The following RASSF3 variants were observed in gnomAD, a reference collection of about 807,000 sequenced individuals.
RASSF3 encodes ras association domain-containing protein 3.
In RASSF3, 19 loss-of-function variants were observed where a neutral mutation model predicts 19.9. The observed-to-expected ratio is 0.96, with a 90% CI of 0.67 to 1.40. The LOEUF (loss-of-function observed/expected upper bound fraction) is 1.40, where lower values mean the gene tolerates loss of function less well. Ranked by LOEUF, RASSF3 falls within the 40% of genes most tolerant of loss-of-function variation. The pLI is 0.00. For synonymous variants in RASSF3, 110 were observed against 104.2 expected (o/e 1.06, Z -0.34); for missense variants, 306 against 289.8 (o/e 1.06, Z -0.41).
At chr12:64,628,369 A>G (rs1036081752) in intron 1 of RASSF3, 56 of 152,348 alleles carry the variant, frequency 3.7e-4, no homozygotes, top group African/African-American at 1.3e-3. Flanking sequence ...TATGAGAATC[A>G]TCTTCTTACT....
chr12:64,519,400 G>T, intron 1 of RASSF3, among the ~76,000 whole-genome samples: 1 of 151,972 alleles, frequency 6.6e-6, no homozygotes, highest in East Asian at 1.9e-4. Context: ...GAGCAAGGCC[G>T]TCTCAAATAC....
At chr12:64,684,427 G>GT (rs1188238001) in intron 1 of RASSF3, among the ~76,000 whole-genome samples, 64 of 59,078 alleles carry the variant, frequency 1.1e-3, no homozygotes, top group African/African-American at 3.9e-3. Flanking sequence ...CTGTTTGTTT[G>GT]TTTGTTTGTT....
At chr12:64,514,078 G>A (rs1425309271) in intron 1 of RASSF3, among the ~76,000 whole-genome samples, 9 of 150,408 alleles carry the variant, frequency 6.0e-5, no homozygotes, top group South Asian at 4.2e-4. Flanking sequence ...TAGTAGAGAC[G>A]GGGTTTCACC....
chr12:64,515,404 C>G (rs1868356462), intron 1 of RASSF3: 1 of 152,188 alleles, frequency 6.6e-6, no homozygotes, highest in African/African-American at 2.4e-5. Context: ...CACCTCCACC[C>G]CAGATCCCTT....
chr12:64,544,563 G>T (rs1168653645), downstream of RASSF3, among the ~76,000 whole-genome samples: 2 of 151,932 alleles, frequency 1.3e-5, no homozygotes, highest in East Asian at 3.9e-4. Context: ...GCTGCAGTGA[G>T]CTGGGACCCG....
chr12:64,674,485 G>T (rs886231986), intron 1 of RASSF3, among the ~76,000 whole-genome samples: 1 of 152,202 alleles, frequency 6.6e-6, no homozygotes, highest in Non-Finnish European at 1.5e-5. Context: ...GGAGGCCGAG[G>T]TAGGAGGATC....
At chr12:64,586,909 C>A (rs1869814205) in intron 2 of RASSF3, among the ~76,000 whole-genome samples, 1 of 151,612 alleles carries the variant, frequency 6.6e-6, no homozygotes, top group South Asian at 2.1e-4. Flanking sequence ...GGCAACAGAG[C>A]AAAACTCCAT....
chr12:64,576,864 A>AAC (rs1869604288), intron 2 of RASSF3, among the ~76,000 whole-genome samples: 1 of 151,796 alleles, frequency 6.6e-6, no homozygotes, highest in African/African-American at 2.4e-5. Context: ...AAAAAAAAAA[A>AAC]AAAAAACTTG....
At chr12:64,669,212 G>A (rs189923424) in intron 1 of RASSF3, among the ~76,000 whole-genome samples, 1 of 152,224 alleles carries the variant, frequency 6.6e-6, no homozygotes, top group South Asian at 2.1e-4. Context: ...TGTTTTGTTA[G>A]GCACATTAGA....
At chr12:64,559,374 G>T (rs542606496) in intron 2 of RASSF3, among the ~76,000 whole-genome samples, 7 of 151,770 alleles carry the variant, frequency 4.6e-5, no homozygotes, top group African/African-American at 1.7e-4. Flanking sequence ...CTCCCAAGTA[G>T]CTGGGACTAC....
chr12:64,609,227 C>G (rs1870254183), upstream of RASSF3: 1 of 152,120 alleles, frequency 6.6e-6, no homozygotes, highest in African/African-American at 2.4e-5. Flanking sequence ...TGACCACGTT[C>G]AGATCAACAG....
rs556351299 is a variant in RASSF3, at chr12:64,629,355, G to C, written c.111+18612G>C. On this transcript the variant is annotated intron_variant, in intron 1 of 4. Coordinates refer to ENST00000542104, the MANE Select transcript of RASSF3 (RefSeq NM_178169.4). Reference sequence around the variant, plus strand: ...ACACCTGGGCTCAAGCCGTCTGTCTGCCTTGACCTCCCAAAGTGCTGGGAT... The same window carrying C: ...ACACCTGGGCTCAAGCCGTCTGTCTCCCTTGACCTCCCAAAGTGCTGGGAT... 7.2e-5 allele frequency among the ~76,000 whole-genome samples: 11 copies of C among 151,872 alleles called. No homozygotes were observed. The East Asian group carries it at 2.1e-3, about 30-fold the overall frequency.
chr12:64,638,305 G>A (rs1871392000), intron 1 of RASSF3, among the ~76,000 whole-genome samples: 1 of 152,172 alleles, frequency 6.6e-6, no homozygotes, highest in South Asian at 2.1e-4. Context: ...TATGGGCCGG[G>A]CGCCGTGGCT....
chr12:64,546,117 A>AAAAAAAAAAC, downstream of RASSF3, among the ~76,000 whole-genome samples: 1 of 151,332 alleles, frequency 6.6e-6, no homozygotes, highest in Non-Finnish European at 1.5e-5. Context: ...AAAAAAAAAA[A>AAAAAAAAAAC]AAAGAATGCC....
chr12:64,521,206 C>G (rs1009164995), intron 1 of RASSF3, among the ~76,000 whole-genome samples: 14 of 152,306 alleles, frequency 9.2e-5, no homozygotes, highest in African/African-American at 3.4e-4. Context: ...CCCTCCTCAG[C>G]CCTTCCCTGT....
chr12:64,663,999 A>G (rs1247865831), intron 1 of RASSF3, among the ~76,000 whole-genome samples: 1 of 152,174 alleles, frequency 6.6e-6, no homozygotes, highest in Non-Finnish European at 1.5e-5. Context: ...ATACAAGAGA[A>G]CATATTGATG....
intron 2 of RASSF3, among the ~76,000 whole-genome samples, chr12:64,561,715 C>CTTTTTTTT: frequency 7.8e-6 from 1 of 127,604 alleles, no homozygotes; most frequent in African/African-American, 2.8e-5. Context: ...TAGCATTTAT[C>CTTTTTTTT]TTTTTTTTTT....
chr12:64,589,996 G>A (rs1459183648), intron 2 of RASSF3, among the ~76,000 whole-genome samples: 2 of 144,218 alleles, frequency 1.4e-5, no homozygotes, highest in Admixed American at 7.0e-5. Context: ...AGCAAGACTC[G>A]GTCTCAGGAA....
chr12:64,569,897 G>A (rs540458257), intron 2 of RASSF3, among the ~76,000 whole-genome samples: 113 of 152,260 alleles, frequency 7.4e-4, no homozygotes, highest in South Asian at 3.9e-3. Flanking sequence ...CCGGGGAGGC[G>A]GAGATTGCAG....
Sources: gnomAD v4.1 joint callset for allele counts (sites outside exome capture counted in the v4.1 genomes callset) on GRCh38, gnomAD v4.1.1 for gene constraint, MANE v1.5 for transcripts, NCBI Gene and HGNC (gene_info 2026-07-23, HGNC 2026-07-21) for gene names.